Variants in ARHGAP15 observed in about 807,000 individuals in gnomAD.
The protein encoded by ARHGAP15 is Rho GTPase activating protein 15.
A neutral mutation model predicts 63.7 loss-of-function variants in ARHGAP15; 51 were observed. That is an observed-to-expected ratio of 0.80 (90% CI 0.64 to 1.01). The LOEUF is 1.01. Among genes scored for constraint, ARHGAP15 ranks in the 50% least tolerant of loss-of-function variants. The pLI is 0.00. For synonymous variants in ARHGAP15, 191 were observed against 193.8 expected, an observed-to-expected ratio of 0.99 and a Z score of 0.12; for missense variants, 560 against 564.6, an observed-to-expected ratio of 0.99 and a Z score of 0.08.
At chr2:143,198,053 A>G (rs1219889504) in intron 2 of ARHGAP15, among the ~76,000 whole-genome samples, 1 of 151,972 alleles carries the variant, frequency 6.6e-6, no homozygotes, top group East Asian at 1.9e-4. Context: ...TCCTAGATCT[A>G]GGTTAAAATA....
chr2:143,177,091 C>T (rs1010536005), intron 2 of ARHGAP15, among the ~76,000 whole-genome samples: 1 of 152,178 alleles, frequency 6.6e-6, no homozygotes, highest in African/African-American at 2.4e-5. Flanking sequence ...GGGAAAGGAA[C>T]ATAGATTCTC....
At chr2:143,450,358 T>C (rs765712179) in intron 8 of ARHGAP15, among the ~76,000 whole-genome samples, 52 of 152,056 alleles carry the variant, frequency 3.4e-4, no homozygotes, top group South Asian at 8.3e-4. Context: ...TATGGAATCA[T>C]AAGAAGCAGT....
intron 6 of ARHGAP15, among the ~76,000 whole-genome samples, chr2:143,357,949 A>T (rs981070925): frequency 2.0e-5 from 3 of 152,180 alleles, no homozygotes; most frequent in African/African-American, 7.2e-5. Context: ...GTAAAACTTG[A>T]TGTATCGAGT....
At chr2:143,445,153 A>ACTT (rs765945989) in intron 8 of ARHGAP15, among the ~76,000 whole-genome samples, 2 of 74,418 alleles carry the variant, frequency 2.7e-5, no homozygotes, top group Admixed American at 2.1e-4. Flanking sequence ...AAGAACAATT[A>ACTT]TTTTTTTTTT....
Position 143,354,304 on chromosome 2 carries a change from G to C in ARHGAP15, c.475-81297G>C, listed in dbSNP as rs928925289. 6.6e-5 allele frequency among the ~76,000 whole-genome samples: 10 copies of C among 152,130 alleles called. 1 individual carries two copies. The highest frequency in any genetic ancestry group is 5.2e-4 in the Admixed American group (8 of 15,268). On this transcript the variant is annotated intron_variant, in intron 6 of 13. Coordinates refer to ENST00000295095, the MANE Select transcript of ARHGAP15 (RefSeq NM_018460.4). The stretch of plus-strand genomic sequence containing the variant: ...TGACACAATGATAGTGGTGACATTC[G>C]TGCAAACAAGTGTCTCATTGAAAGC...
chr2:143,633,246 TC>T (rs1217526560), intron 12 of ARHGAP15, among the ~76,000 whole-genome samples: 8 of 152,180 alleles, frequency 5.3e-5, no homozygotes, highest in Non-Finnish European at 8.8e-5. Context: ...GCCTAGCCTG[TC>T]TCTTAACTCA....
At chr2:143,285,649 T>C (rs1262240497) in intron 6 of ARHGAP15, among the ~76,000 whole-genome samples, 1 of 152,188 alleles carries the variant, frequency 6.6e-6, no homozygotes, top group Non-Finnish European at 1.5e-5. Flanking sequence ...AGGATACATA[T>C]TTCTTTAAAT....
chr2:143,527,805 T>C (rs1313575466), intron 10 of ARHGAP15, among the ~76,000 whole-genome samples: 1 of 152,054 alleles, frequency 6.6e-6, no homozygotes, highest in Non-Finnish European at 1.5e-5. Flanking sequence ...TATTCAACAT[T>C]GCTGAAATCC....
intron 6 of ARHGAP15, among the ~76,000 whole-genome samples, chr2:143,355,687 C>T (rs954147720): frequency 7.9e-5 from 12 of 152,008 alleles, no homozygotes; most frequent in Non-Finnish European, 1.3e-4. Context: ...TCCCTAGATA[C>T]ATTTTGTCTT....
intron 2 of ARHGAP15, among the ~76,000 whole-genome samples, chr2:143,191,224 A>T (rs1691675314): frequency 6.6e-6 from 1 of 152,210 alleles, no homozygotes; most frequent in South Asian, 2.1e-4. Flanking sequence ...TCAATTAAAG[A>T]CTCATTGTCG....
chr2:143,130,108 A>T (rs1443325798), intron 1 of ARHGAP15, among the ~76,000 whole-genome samples: 1 of 152,150 alleles, frequency 6.6e-6, no homozygotes, highest in Non-Finnish European at 1.5e-5. Flanking sequence ...TTTAAAAAAG[A>T]AGTCACAGCT....
At chr2:143,274,249 G>A (rs966180768) in intron 6 of ARHGAP15, among the ~76,000 whole-genome samples, 4 of 151,992 alleles carry the variant, frequency 2.6e-5, no homozygotes, top group African/African-American at 9.7e-5. Flanking sequence ...AGTCCTGGCT[G>A]TCTTTAAAGT....
intron 9 of ARHGAP15, among the ~76,000 whole-genome samples, chr2:143,515,032 G>A (rs1433016821): frequency 6.6e-6 from 1 of 152,128 alleles, no homozygotes; most frequent in Non-Finnish European, 1.5e-5. Flanking sequence ...GGAGGTGAAT[G>A]TATACATCTA....
chr2:143,361,071 A>G (rs1248150967), intron 6 of ARHGAP15, among the ~76,000 whole-genome samples: 2 of 152,154 alleles, frequency 1.3e-5, no homozygotes, highest in Non-Finnish European at 2.9e-5. Context: ...TGAGTTCCAC[A>G]TTTTTAGGGA....
intron 6 of ARHGAP15, among the ~76,000 whole-genome samples, chr2:143,297,144 G>A (rs1235283274): frequency 1.3e-5 from 2 of 151,916 alleles, no homozygotes; most frequent in Non-Finnish European, 2.9e-5. Flanking sequence ...TATTATTACT[G>A]TAATAGTAAG....
intron 6 of ARHGAP15, among the ~76,000 whole-genome samples, chr2:143,346,474 T>G (rs1033350437): frequency 6.6e-6 from 1 of 152,106 alleles, no homozygotes; most frequent in Non-Finnish European, 1.5e-5. Flanking sequence ...GAATTGGATA[T>G]GTTATGTCCA....
intron 6 of ARHGAP15, among the ~76,000 whole-genome samples, chr2:143,260,346 C>T (rs945104510): frequency 6.6e-6 from 1 of 152,022 alleles, no homozygotes; most frequent in Non-Finnish European, 1.5e-5. Flanking sequence ...TTCCAATAAT[C>T]GTAGAAAGTC....
intron 6 of ARHGAP15, among the ~76,000 whole-genome samples, chr2:143,401,795 C>T (rs189220336): frequency 1.1e-4 from 16 of 151,962 alleles, no homozygotes; most frequent in African/African-American, 3.9e-4. Context: ...TTTTTCCTAT[C>T]GGTGGTGTGT....
chr2:143,440,061 TG>T (rs571940694), intron 8 of ARHGAP15, among the ~76,000 whole-genome samples: 8 of 152,204 alleles, frequency 5.3e-5, no homozygotes, highest in African/African-American at 1.2e-4. Context: ...AGGGCCAGTA[TG>T]TTTTTTGCAA....
Sources: gnomAD v4.1 joint callset for allele counts (sites outside exome capture counted in the v4.1 genomes callset) on GRCh38, gnomAD v4.1.1 for gene constraint, MANE v1.5 for transcripts, NCBI Gene and HGNC (gene_info 2026-07-23, HGNC 2026-07-21) for gene names.